The following SUGCT variants were observed in gnomAD, a reference collection of about 807,000 sequenced individuals.
SUGCT encodes the protein succinyl-CoA:glutarate CoA-transferase.
In SUGCT, 41 loss-of-function variants were observed where a neutral mutation model predicts 55.0. The observed-to-expected ratio is 0.74, with a 90% CI of 0.58 to 0.97. The LOEUF (loss-of-function observed/expected upper bound fraction) is 0.97, where lower values mean the gene tolerates loss of function less well. Ranked by LOEUF, SUGCT falls within the 50% of genes least tolerant of loss-of-function variation. The pLI is 0.00. For missense variants in SUGCT, 568 were observed against 547.8 expected (o/e 1.04, Z -0.37); for synonymous variants, 187 against 200.4 (o/e 0.93, Z 0.56).
chr7:40,147,708 TG>T (rs1299277405), intron 1 of SUGCT, among the ~76,000 whole-genome samples: 3 of 152,166 alleles, frequency 2.0e-5, no homozygotes, highest in Non-Finnish European at 2.9e-5. Context: ...TCCCACTGGG[TG>T]GGTCCTGATT....
chr7:40,952,632 C>T, the SUGCT span, among the ~76,000 whole-genome samples: 1 of 152,094 alleles, frequency 6.6e-6, no homozygotes, highest in Non-Finnish European at 1.5e-5. Context: ...TTCAGGAGCT[C>T]TTGTAGGGCA....
At chr7:40,382,019 G>C (rs903869687) in intron 9 of SUGCT, among the ~76,000 whole-genome samples, 2 of 152,028 alleles carry the variant, frequency 1.3e-5, no homozygotes, top group South Asian at 4.2e-4. Context: ...GTGTGTCTGT[G>C]TGTGTGTGTG....
In SUGCT at chr7:40,536,300, A is replaced by G. The variant is rs562756358; in HGVS notation, c.1089+39914A>G. 2.8e-4 allele frequency among the ~76,000 whole-genome samples: 42 copies of G among 152,338 alleles called. 2 individuals carry two copies. The South Asian group carries it at 7.9e-3, about 29-fold the overall frequency. ...GATCTTGAACTTGGTGTAAATGGGAAGGTATACATTCTGAATGTAAGAGAG... is the reference window on the plus strand; with the variant it reads ...GATCTTGAACTTGGTGTAAATGGGAGGGTATACATTCTGAATGTAAGAGAG... On this transcript the variant is annotated intron_variant, in intron 12 of 13. Coordinates refer to ENST00000335693, the MANE Select transcript of SUGCT (RefSeq NM_001193313.2).
At chr7:40,205,747 G>C (rs1786938991) in intron 6 of SUGCT, among the ~76,000 whole-genome samples, 1 of 150,656 alleles carries the variant, frequency 6.6e-6, no homozygotes, top group African/African-American at 2.4e-5. Context: ...ACACAGCTTT[G>C]TACATAAATG....
In SUGCT at chr7:40,486,646, A is replaced by G. The variant is rs141394352; in HGVS notation, c.987-9638A>G. The stretch of plus-strand genomic sequence containing the variant: ...CTTAGTACTGCTTTTGCTGTGTTTC[A>G]TAGGTTTTGGTATGTTGTGTATCCA... On this transcript the variant is annotated intron_variant, in intron 11 of 13. Transcript: ENST00000335693. Among the ~76,000 whole-genome samples, 146 of 150,598 alleles carry G rather than the reference A, an allele frequency of 9.7e-4. 3 individuals carry two copies. In the East Asian group the frequency reaches 0.019, roughly 19 times the overall value.
At chr7:40,709,874 T>C (rs1785619033) in intron 12 of SUGCT, among the ~76,000 whole-genome samples, 1 of 152,208 alleles carries the variant, frequency 6.6e-6, no homozygotes, top group Non-Finnish European at 1.5e-5. Flanking sequence ...GGGGTGAAGC[T>C]CAAAGATTAA....
intron 1 of SUGCT, chr7:40,153,213 C>A: frequency 2.7e-6 from 1 of 376,180 alleles, no homozygotes; most frequent in Non-Finnish European, 5.1e-6. Flanking sequence ...GAGATAGCAA[C>A]ATTAGTAGGT....
intron 13 of SUGCT, among the ~76,000 whole-genome samples, chr7:40,760,223 G>A (rs905255616): frequency 2.4e-4 from 37 of 152,266 alleles, no homozygotes; most frequent in African/African-American, 8.7e-4. Context: ...GTTACAGCCT[G>A]ATTCCTCAGA....
intron 5 of SUGCT, among the ~76,000 whole-genome samples, chr7:40,190,612 G>A (rs781321830): frequency 9.2e-5 from 14 of 151,494 alleles, no homozygotes; most frequent in African/African-American, 1.7e-4. Context: ...ATGTGTAGAC[G>A]AGTGCTTGCC....
intron 13 of SUGCT, among the ~76,000 whole-genome samples, chr7:40,824,111 T>G (rs1056969282): frequency 1.3e-5 from 2 of 151,956 alleles, no homozygotes; most frequent in African/African-American, 4.8e-5. Flanking sequence ...GATGAAAAAT[T>G]TCTCCCTTTC....
the SUGCT span, among the ~76,000 whole-genome samples, chr7:40,908,730 G>A: frequency 1.3e-5 from 2 of 152,068 alleles, no homozygotes; most frequent in Non-Finnish European, 2.9e-5. Context: ...TTGAATCAGG[G>A]AATTGGTTAA....
chr7:40,981,758 T>TA, the SUGCT span, among the ~76,000 whole-genome samples: 14 of 152,354 alleles, frequency 9.2e-5, no homozygotes, highest in East Asian at 9.6e-4. Context: ...ACAAGGTTCT[T>TA]TGCCATTTTA....
chr7:40,996,966 T>C, the SUGCT span, among the ~76,000 whole-genome samples: 1 of 152,164 alleles, frequency 6.6e-6, no homozygotes, highest in South Asian at 2.1e-4. Context: ...AACCCCAAAC[T>C]GAAGCGAAGG....
At chr7:40,743,091 T>C (rs1338916910) in intron 12 of SUGCT, among the ~76,000 whole-genome samples, 1 of 152,218 alleles carries the variant, frequency 6.6e-6, no homozygotes, top group Non-Finnish European at 1.5e-5. Context: ...ATAATGACCA[T>C]TGTCCATGCA....
At chr7:40,717,832 T>A (rs1383053731) in intron 12 of SUGCT, among the ~76,000 whole-genome samples, 1 of 152,178 alleles carries the variant, frequency 6.6e-6, no homozygotes, top group Non-Finnish European at 1.5e-5. Flanking sequence ...GTTATAGATA[T>A]ATAGATATAA....
At chr7:40,368,546 A>G (rs1784128238) in intron 9 of SUGCT, among the ~76,000 whole-genome samples, 1 of 152,158 alleles carries the variant, frequency 6.6e-6, no homozygotes, top group Non-Finnish European at 1.5e-5. Flanking sequence ...AGAAGCTGAT[A>G]TGATCACTGC....
chr7:40,767,876 C>T (rs1051616504), intron 13 of SUGCT, among the ~76,000 whole-genome samples: 9 of 152,152 alleles, frequency 5.9e-5, no homozygotes, highest in Non-Finnish European at 1.0e-4. Context: ...CATTGATTTT[C>T]CCATATCCTG....
intron 12 of SUGCT, among the ~76,000 whole-genome samples, chr7:40,649,958 C>T (rs1584206454): frequency 6.6e-6 from 1 of 152,180 alleles, no homozygotes; most frequent in Non-Finnish European, 1.5e-5. Context: ...GTGTCAGGAA[C>T]CTGAGCATGG....
chr7:41,038,513 A>G, the SUGCT span, among the ~76,000 whole-genome samples: 10 of 152,144 alleles, frequency 6.6e-5, no homozygotes. Flanking sequence ...TACTCTTAAT[A>G]TACCCAGTAC....
Sources: gnomAD v4.1 joint callset for allele counts (sites outside exome capture counted in the v4.1 genomes callset) on GRCh38, gnomAD v4.1.1 for gene constraint, MANE v1.5 for transcripts, NCBI Gene and HGNC (gene_info 2026-07-23, HGNC 2026-07-21) for gene names.